The following GSAP variants were observed in gnomAD, a reference collection of about 807,000 sequenced individuals.
GSAP encodes the protein gamma-secretase-activating protein.
A neutral mutation model predicts 131.7 loss-of-function variants in GSAP; 118 were observed. That is an observed-to-expected ratio of 0.90 (90% confidence interval 0.77 to 1.04). The LOEUF (loss-of-function observed/expected upper bound fraction) is 1.04. Ranked by LOEUF, GSAP falls within the 50% of genes least tolerant of loss-of-function variation. GSAP has a pLI of 0.00. For missense variants in GSAP, 1,019 were observed against 1,013.2 expected (o/e 1.01, Z -0.08); for synonymous variants, 381 against 363.4 (o/e 1.05, Z -0.55).
At chr7:77,401,633 G>A (rs1292281425) in intron 3 of GSAP, among the ~76,000 whole-genome samples, 1 of 152,132 alleles carries the variant, frequency 6.6e-6, no homozygotes, top group African/African-American at 2.4e-5. Context: ...GATAAAAGAG[G>A]AACCTTAGAA....
chr7:77,353,848 A>T (rs1793264210), intron 16 of GSAP, among the ~76,000 whole-genome samples: 1 of 152,192 alleles, frequency 6.6e-6, no homozygotes, highest in Admixed American at 6.5e-5. Context: ...TCCTTTTTAT[A>T]CATCTTTTTA....
rs1238212505 is a variant in GSAP at position 77,349,351 on chromosome 7, C to A, written c.1545G>T (p.Lys515Asn). 4 of 1,608,532 alleles carry A rather than the reference C, an allele frequency of 2.5e-6. No individual in the cohort carries two copies. In the East Asian group the frequency reaches 8.9e-5, roughly 36 times the overall value. Residue 515 changes from lysine (K) to asparagine (N), a missense_variant and splice_region_variant, in exon 19 of 31, where the codon AAG becomes AAT. Lys to Asn is a moderately conservative substitution (Grantham distance 94). Transcript: ENST00000257626. ...VTEDIALPLM[K>N]VLSFKGYWEK... Reference sequence around the variant, plus strand: ...TTGTTTCTTGCTGTAAGGGACCTACCTTCATAAGAGGCAATGCAATGTCTT... The same window carrying A: ...TTGTTTCTTGCTGTAAGGGACCTACATTCATAAGAGGCAATGCAATGTCTT...
chr7:77,400,352 G>A (rs2151151873), intron 3 of GSAP, among the ~76,000 whole-genome samples: 1 of 152,048 alleles, frequency 6.6e-6, no homozygotes, highest in African/African-American at 2.4e-5. Context: ...GTCCAAGGTG[G>A]CTGAATGGGA....
chr7:77,335,139 C>T (rs911639482), intron 19 of GSAP, among the ~76,000 whole-genome samples: 5 of 151,968 alleles, frequency 3.3e-5, no homozygotes, highest in Admixed American at 6.6e-5. Context: ...GTGGCTCACA[C>T]CTGCAATCCC....
intron 12 of GSAP, among the ~76,000 whole-genome samples, chr7:77,365,011 A>T (rs1165532172): frequency 6.6e-6 from 1 of 152,230 alleles, no homozygotes; most frequent in African/African-American, 2.4e-5. Flanking sequence ...CCCAGGCTGG[A>T]GTGCAGTGGT....
chr7:77,341,056 A>C (rs758146907), intron 19 of GSAP, among the ~76,000 whole-genome samples: 10 of 151,896 alleles, frequency 6.6e-5, no homozygotes, highest in African/African-American at 9.7e-5. Flanking sequence ...CCCAATACAA[A>C]CTTGATAATG....
intron 19 of GSAP, among the ~76,000 whole-genome samples, chr7:77,340,999 T>G (rs11760571): frequency 0.098 from 14,940 of 152,202 alleles, 810 homozygotes; most frequent in African/African-American, 0.13. Context: ...ACCTCTCACC[T>G]GACCTAAAAC....
intron 1 of GSAP, among the ~76,000 whole-genome samples, chr7:77,410,323 T>C (rs1170979130): frequency 6.6e-6 from 1 of 152,240 alleles, no homozygotes; most frequent in Non-Finnish European, 1.5e-5. Flanking sequence ...CACCACATAC[T>C]ATTAAGCCAT....
chr7:77,323,417 A>G (rs1269688533), intron 24 of GSAP, among the ~76,000 whole-genome samples: 2 of 152,194 alleles, frequency 1.3e-5, no homozygotes, highest in African/African-American at 4.8e-5. Context: ...TGGGTATATA[A>G]TCAGTATTTG....
intron 3 of GSAP, among the ~76,000 whole-genome samples, chr7:77,398,731 G>A (rs559821023): frequency 6.6e-6 from 1 of 152,024 alleles, no homozygotes; most frequent in Admixed American, 6.6e-5. Context: ...TTGTGCCACT[G>A]CACTCCAGCC....
At chr7:77,355,458 C>G in intron 15 of GSAP, 28 bp from the exon 16 acceptor site, 1 of 1,504,884 alleles carries the variant, frequency 6.6e-7, no homozygotes, top group Non-Finnish European at 9.1e-7. Context: ...AACAGTAGAT[C>G]AGCAAATAGA....
intron 9 of GSAP, 28 bp downstream of exon 9, chr7:77,377,258 A>AAAAAAAAAAAAAAAAAAAAAT: frequency 3.6e-6 from 5 of 1,400,720 alleles, no homozygotes; most frequent in African/African-American, 1.5e-5. Flanking sequence ...AAAAAAAAAA[A>AAAAAAAAAAAAAAAAAAAAAT]GGAGTGCCCG....
Position 77,374,621 on chromosome 7 carries a change from T to C in GSAP, c.785+437A>G, listed in dbSNP as rs546580182. 3.9e-5 allele frequency among the ~76,000 whole-genome samples: 6 copies of C among 151,952 alleles called. No homozygotes were observed. The South Asian group carries it at 1.2e-3, about 32-fold the overall frequency. Reference sequence around the variant, plus strand: ...TAGAGTGGGAAAAGGAAAAAAACCTTGTCTTTTGTGTAAAAAGGAAAACAG... The same window carrying C: ...TAGAGTGGGAAAAGGAAAAAAACCTCGTCTTTTGTGTAAAAAGGAAAACAG... On this transcript the variant is annotated intron_variant, in intron 11 of 30. Transcript: ENST00000257626.
chr7:77,354,198 C>T (rs6979188), intron 16 of GSAP, among the ~76,000 whole-genome samples: 12,741 of 152,256 alleles, frequency 0.084, 592 homozygotes, highest in South Asian at 0.24. Flanking sequence ...TTATAAGGCA[C>T]GCCTAACCAT....
At chr7:77,367,031 T>A (rs1795422976) in intron 12 of GSAP, among the ~76,000 whole-genome samples, 1 of 152,220 alleles carries the variant, frequency 6.6e-6, no homozygotes, top group African/African-American at 2.4e-5. Context: ...GACTTTGCTC[T>A]TGTTGGTGTA....
chr7:77,402,514 G>A (rs1323435205), intron 3 of GSAP, among the ~76,000 whole-genome samples: 6 of 143,540 alleles, frequency 4.2e-5, no homozygotes, highest in Non-Finnish European at 7.5e-5. Flanking sequence ...AGATTTGCTT[G>A]AACCCAGGAG....
chr7:77,342,240 A>G (rs1287599650), intron 19 of GSAP, among the ~76,000 whole-genome samples: 4 of 152,150 alleles, frequency 2.6e-5, no homozygotes, highest in Non-Finnish European at 4.4e-5. Flanking sequence ...TTACAGTGGA[A>G]GGTAAGTCTG....
At chr7:77,389,879 A>G (rs1799197242) in intron 5 of GSAP, among the ~76,000 whole-genome samples, 1 of 152,196 alleles carries the variant, frequency 6.6e-6, no homozygotes, top group Non-Finnish European at 1.5e-5. Flanking sequence ...ACAATGGTTG[A>G]ACTAGTTTAC....
rs112137406 is a variant in GSAP at position 77,389,195 on chromosome 7, G to A, written c.368-1747C>T. Among the ~76,000 whole-genome samples, 32 of 151,754 alleles carry A rather than the reference G, an allele frequency of 2.1e-4. 1 individual carries two copies. In the East Asian group the frequency reaches 2.9e-3, roughly 14 times the overall value. On this transcript the variant is annotated intron_variant, in intron 5 of 30. Transcript: ENST00000257626. ...ACTAAATTAGTATATTAAATAGCAC[G>A]AACTGACATTTTTTTGACCTAAAAG...
Sources: allele counts gnomAD v4.1 joint callset (sites outside exome capture counted in the v4.1 genomes callset), GRCh38; gene constraint gnomAD v4.1.1; transcripts MANE v1.5; gene names NCBI Gene and HGNC (gene_info 2026-07-23, HGNC 2026-07-21).